Variants in ST6GALNAC3 observed in about 807,000 individuals in gnomAD.
ST6GALNAC3 encodes the protein alpha-N-acetylgalactosaminide alpha-2,6-sialyltransferase 3.
ST6GALNAC3 carries 25 observed loss-of-function variants against 32.7 expected under a neutral mutation model. The ratio of observed to expected loss-of-function variants is 0.76; its 90% CI spans 0.56 to 1.07. ST6GALNAC3 has a LOEUF of 1.07. Among genes scored for constraint, ST6GALNAC3 ranks in the 50% least tolerant of loss-of-function variants. ST6GALNAC3 has a pLI of 0.00. For missense variants in ST6GALNAC3, 355 were observed against 382.4 expected (o/e 0.93, Z 0.60); for synonymous variants, 129 against 133.1 (o/e 0.97, Z 0.21).
chr1:76,534,186 G>A (rs545730303), intron 3 of ST6GALNAC3, among the ~76,000 whole-genome samples: 1 of 152,120 alleles, frequency 6.6e-6, no homozygotes, highest in Admixed American at 6.6e-5. Context: ...GGGACTACAG[G>A]CACCCACCAC....
chr1:76,568,143 T>G (rs965976181), intron 3 of ST6GALNAC3, among the ~76,000 whole-genome samples: 7 of 152,220 alleles, frequency 4.6e-5, no homozygotes, highest in African/African-American at 1.7e-4. Flanking sequence ...CCTTGTCTAC[T>G]ACATCATTCC....
chr1:76,255,443 A>T (rs1182842017), intron 1 of ST6GALNAC3, among the ~76,000 whole-genome samples: 5 of 152,120 alleles, frequency 3.3e-5, no homozygotes, highest in Non-Finnish European at 5.9e-5. Context: ...GGTGTAAATA[A>T]GAAAGTCAAT....
At chr1:76,332,805 T>C (rs1411973704) in intron 2 of ST6GALNAC3, among the ~76,000 whole-genome samples, 1 of 152,210 alleles carries the variant, frequency 6.6e-6, no homozygotes, top group Non-Finnish European at 1.5e-5. Context: ...CAGTATACTT[T>C]ATATTTAATA....
chr1:76,252,895 G>A (rs1186800258), intron 1 of ST6GALNAC3, among the ~76,000 whole-genome samples: 2 of 152,058 alleles, frequency 1.3e-5, no homozygotes, highest in East Asian at 3.9e-4. Flanking sequence ...CTACCTTATT[G>A]CCATGTGTCA....
chr1:76,198,242 C>A (rs1654321438), intron 1 of ST6GALNAC3, among the ~76,000 whole-genome samples: 1 of 152,168 alleles, frequency 6.6e-6, no homozygotes, highest in African/African-American at 2.4e-5. Flanking sequence ...TGCTATGCTT[C>A]CCAGGCTGGT....
At position 76,486,929 on chromosome 1, in the gene ST6GALNAC3, A is replaced by G. The variant is rs566240426; in HGVS notation, c.623+74512A>G. Among the ~76,000 whole-genome samples the G allele has an allele frequency of 1.7e-3, 260 of 152,298 alleles. 1 individual carries two copies. Among genetic ancestry groups the G allele is most frequent in the African/African-American group, 6.2e-3 (257 of 41,568 alleles). ...CTTTTAGGGCAGGCCTGGTGGTGAC[A>G]AAATCTCTCAGCATTTGCTTGTCTG... On this transcript the variant is annotated intron_variant, in intron 3 of 4. Coordinates refer to ENST00000328299, the MANE Select transcript of ST6GALNAC3 (RefSeq NM_152996.4).
intron 3 of ST6GALNAC3, among the ~76,000 whole-genome samples, chr1:76,554,527 G>C (rs970781015): frequency 1.3e-5 from 2 of 152,122 alleles, no homozygotes; most frequent in African/African-American, 4.8e-5. Flanking sequence ...TTCTTTCCCT[G>C]AAGGCTGGAG....
intron 2 of ST6GALNAC3, among the ~76,000 whole-genome samples, chr1:76,381,014 G>A (rs1439093677): frequency 6.6e-6 from 1 of 152,064 alleles, no homozygotes; most frequent in Non-Finnish European, 1.5e-5. Flanking sequence ...GGCTCTAGGA[G>A]TGTGTAACTC....
At chr1:76,295,405 C>A (rs1380633879) in intron 1 of ST6GALNAC3, among the ~76,000 whole-genome samples, 1 of 152,038 alleles carries the variant, frequency 6.6e-6, no homozygotes, top group Non-Finnish European at 1.5e-5. Context: ...GTGTTAGAAT[C>A]TGTGTGTATG....
chr1:76,222,464 A>G (rs985884194), intron 1 of ST6GALNAC3, among the ~76,000 whole-genome samples: 4 of 152,186 alleles, frequency 2.6e-5, no homozygotes, highest in South Asian at 2.1e-4. Flanking sequence ...TAAAGAGACA[A>G]TCTACAGAAT....
chr1:76,180,307 G>A (rs890258606), intron 1 of ST6GALNAC3, among the ~76,000 whole-genome samples: 6 of 152,124 alleles, frequency 3.9e-5, no homozygotes, highest in African/African-American at 7.2e-5. Context: ...GGTAACTTCC[G>A]TTTCATGGAG....
At chr1:76,346,713 C>A (rs1490715562) in intron 2 of ST6GALNAC3, among the ~76,000 whole-genome samples, 1 of 152,002 alleles carries the variant, frequency 6.6e-6, no homozygotes, top group Non-Finnish European at 1.5e-5. Context: ...GAGACCTTGG[C>A]CAAGTTACAT....
At chr1:76,305,155 T>C (rs751697498) in intron 1 of ST6GALNAC3, among the ~76,000 whole-genome samples, 1 of 151,956 alleles carries the variant, frequency 6.6e-6, no homozygotes, top group Non-Finnish European at 1.5e-5. Flanking sequence ...AACTTCAGGG[T>C]AATAAAATGA....
At chr1:76,465,804 A>G (rs1571320290) in intron 3 of ST6GALNAC3, among the ~76,000 whole-genome samples, 2 of 151,726 alleles carry the variant, frequency 1.3e-5, no homozygotes, top group South Asian at 4.2e-4. Context: ...TTTCTCCACA[A>G]TGTTGCATTT....
chr1:76,401,940 G>A (rs1653452335), intron 2 of ST6GALNAC3, among the ~76,000 whole-genome samples: 1 of 152,142 alleles, frequency 6.6e-6, no homozygotes, highest in Non-Finnish European at 1.5e-5. Flanking sequence ...TGCCCCTGGG[G>A]CAAAAGCAGA....
intron 3 of ST6GALNAC3, among the ~76,000 whole-genome samples, chr1:76,445,090 T>G (rs1048222286): frequency 6.6e-5 from 10 of 152,186 alleles, no homozygotes; most frequent in Non-Finnish European, 1.0e-4. Context: ...GAATTTCCAT[T>G]AACATTTGTC....
At chr1:76,587,077 A>G (rs1646972938) in intron 3 of ST6GALNAC3, among the ~76,000 whole-genome samples, 1 of 152,226 alleles carries the variant, frequency 6.6e-6, no homozygotes, top group African/African-American at 2.4e-5. Context: ...GATTTCTGCT[A>G]TATTCCAGAC....
chr1:76,411,399 A>G (rs1366330697), intron 2 of ST6GALNAC3, among the ~76,000 whole-genome samples: 1 of 152,130 alleles, frequency 6.6e-6, no homozygotes, highest in Non-Finnish European at 1.5e-5. Context: ...ATCTAGGATA[A>G]ACATAAACAC....
At chr1:76,319,902 C>G (rs539905207) in intron 2 of ST6GALNAC3, among the ~76,000 whole-genome samples, 199 of 152,300 alleles carry the variant, frequency 1.3e-3, no homozygotes, top group Non-Finnish European at 2.2e-3. Context: ...ATGAATTTGA[C>G]ATGTGTGTAT....
Sources: allele counts gnomAD v4.1 joint callset (sites outside exome capture counted in the v4.1 genomes callset), GRCh38; gene constraint gnomAD v4.1.1; transcripts MANE v1.5; gene names NCBI Gene and HGNC (gene_info 2026-07-23, HGNC 2026-07-21).